The following ARL6IP4 variants were observed in gnomAD, a reference collection of about 807,000 sequenced individuals.
ARL6IP4 encodes the protein ADP-ribosylation factor-like protein 6-interacting protein 4.
A neutral mutation model predicts 28.1 loss-of-function variants in ARL6IP4; 24 were observed. The ratio of observed to expected loss-of-function variants is 0.86; its 90% CI spans 0.62 to 1.20. The LOEUF is 1.20. Among genes scored for constraint, ARL6IP4 ranks in the 50% most tolerant of loss-of-function variants. The pLI, the probability that ARL6IP4 is intolerant of heterozygous loss-of-function variation, is 0.00. For missense variants in ARL6IP4, 343 were observed against 302.4 expected (o/e 1.13, Z -1.00); for synonymous variants, 162 against 122.3 (o/e 1.32, Z -2.14).
chr12:122,980,412 G>T, upstream of ARL6IP4: 1 of 1,368,152 alleles, frequency 7.3e-7, no homozygotes, highest in Non-Finnish European at 9.4e-7. Context: ...ACCAGCCGGG[G>T]AGGAGGGCGG....
At chr12:122,982,238 G>C in intron 4 of ARL6IP4, 164 bp downstream of exon 4, 1 of 872,794 alleles carries the variant, frequency 1.1e-6, no homozygotes, top group Non-Finnish European at 1.8e-6. Context: ...GGGGCTGGAA[G>C]GGCCTGGAGG....
At chr12:122,981,024 G>A in intron 1 of ARL6IP4, 105 bp from the exon 2 acceptor site, 5 of 1,414,742 alleles carry the variant, frequency 3.5e-6, no homozygotes, top group Admixed American at 3.1e-5. Flanking sequence ...GGACGGTGAC[G>A]GGTACTGGGC....
At position 122,982,377 on chromosome 12, in the gene ARL6IP4, T is replaced by C; in HGVS notation, c.588-92T>C. ...ACTCAAGGCTGCGGGGTGGGAGCCC[T>C]GGGACCCCTCTGCCGGCTGCTTGTG... is the stretch of plus-strand genomic sequence containing the variant. On this transcript the variant is annotated intron_variant, in intron 4 of 5. Coordinates refer to ENST00000315580, the MANE Select transcript of ARL6IP4 (RefSeq NM_018694.4). 16 of 1,294,078 alleles carry C rather than the reference T, an allele frequency of 1.2e-5. No individual in the cohort carries two copies. The South Asian group carries it at 1.7e-4, about 14-fold the overall frequency. The allele number at this position is 1,294,078 out of a possible 1,614,324, so 80.2% of individuals were successfully genotyped here. A position where few individuals can be genotyped will look rare whatever the true frequency, so the allele number is the denominator to read the frequency against.
Position 122,982,805 on chromosome 12 carries a change from G to A in ARL6IP4, c.*129G>A. 3.0e-6 allele frequency: 3 copies of A among 1,006,156 alleles called. No homozygotes were observed. Among genetic ancestry groups the A allele is most frequent in the Non-Finnish European group, 4.4e-6 (3 of 675,720 alleles). 62.3% of individuals were successfully genotyped at this position (1,006,156 alleles called of 1,614,324 possible). ...GTGGATTGGTCTCTGGCCCAGCCCA[G>A]TCTCTTCTCAGGGGCAGGGGGTGGA... On this transcript the variant is annotated 3_prime_UTR_variant, in exon 6 of 6. Transcript: ENST00000315580.
At chr12:122,980,556 G>A, upstream of ARL6IP4, 1 of 1,355,316 alleles carries the variant, frequency 7.4e-7, no homozygotes, top group Non-Finnish European at 9.5e-7. Flanking sequence ...TCGAGGGCCG[G>A]CGCCCCTGCT....
Position 122,981,317 on chromosome 12 carries a change from C to T in ARL6IP4, c.160+18C>T, listed in dbSNP as rs1352738416. 2.0e-6 allele frequency: 3 copies of T among 1,533,366 alleles called. No homozygotes were observed. The highest frequency in any genetic ancestry group is 1.2e-5 in the South Asian group (1 of 82,934). 95.0% of individuals were successfully genotyped at this position (1,533,366 alleles called of 1,614,324 possible). A position where few individuals can be genotyped will look rare whatever the true frequency, so the allele number is the denominator to read the frequency against. On this transcript the variant is annotated intron_variant, in intron 2 of 5. Transcript: ENST00000315580. ...GGCGGAGGGTGAGGACCACAGGCAT[C>T]GGGGAGAGGAGGCGCAGTTACTACC...
Position 122,982,520 on chromosome 12 carries a change from A to G in ARL6IP4, c.639A>G (p.Arg213=), listed in dbSNP as rs545804119. The part of the protein sequence containing the change: ...EVLEEIVTKE[R]HREINKQATR... ...TAGAGGAAATCGTAACCAAAGAACG[A>G]CACAGAGAGATCAACAAGGTGGGTG... is the stretch of plus-strand genomic sequence containing the variant. Residue 213 remains arginine, a synonymous_variant, in exon 5 of 6, where the codon CGA becomes CGG. Transcript: ENST00000315580. The G allele has an allele frequency of 1.4e-5, 23 of 1,614,074 alleles. No individual in the cohort carries two copies. In the South Asian group the frequency reaches 1.8e-4, roughly 12 times the overall value.
intron 4 of ARL6IP4, 160 bp downstream of exon 4, chr12:122,982,234 G>A: frequency 1.1e-6 from 1 of 888,652 alleles, no homozygotes; most frequent in Non-Finnish European, 1.8e-6. Flanking sequence ...TGCAGGGGCT[G>A]GAAGGGCCTG....
In ARL6IP4 at chr12:122,981,663, A is replaced by C. The variant is rs2037667314; in HGVS notation, c.253A>C (p.Ser85Arg). 2 of 1,555,714 alleles carry C rather than the reference A, an allele frequency of 1.3e-6. No individual in the cohort carries two copies. The highest frequency in any genetic ancestry group is 1.7e-6 in the Non-Finnish European group (2 of 1,149,894). The change falls in exon 3 of 6, where the codon AGC becomes CGC. Residue 85 changes from serine (S) to arginine (R), a missense_variant. Physicochemically the swap from Ser to Arg is moderately radical, Grantham distance 110. Coordinates refer to ENST00000315580, the MANE Select transcript of ARL6IP4 (RefSeq NM_018694.4). ...CTCCTCCTCTTCTTCCAGTTCTTCT[A>C]GCTCCTCTTCTTCCTCCTCGTCCTC... is the stretch of plus-strand genomic sequence containing the variant. ...SSSSSSSSSS[S>R]SSSSSSSSSS...
chr12:122,982,408 G>T (rs2037724505), intron 4 of ARL6IP4, 61 bp from the exon 5 acceptor site: 1 of 1,493,914 alleles, frequency 6.7e-7, no homozygotes, highest in Admixed American at 1.9e-5. Context: ...TTGTGGTTCT[G>T]CTCCTCTGGC....
At chr12:122,981,913 G>A (rs940114365) in intron 3 of ARL6IP4, 34 bp downstream of exon 3, 2 of 1,613,542 alleles carry the variant, frequency 1.2e-6, no homozygotes, top group Non-Finnish European at 1.7e-6. Flanking sequence ...GAGGGAGAAG[G>A]TCGCTTCCCA....
In ARL6IP4 at chr12:122,982,059, A is replaced by C. The variant is rs143466240; in HGVS notation, c.572A>C (p.Glu191Ala). The C allele has an allele frequency of 5.6e-6, 9 of 1,613,388 alleles. No homozygotes were observed. The highest frequency in any genetic ancestry group is 7.6e-6 in the Non-Finnish European group (9 of 1,180,026). ...ATCATCCGCAAGGTGGTGGACCCTGAGACGGGGCGCACCAGGTGGGGAGCT... is the reference window on the plus strand; with the variant it reads ...ATCATCCGCAAGGTGGTGGACCCTGCGACGGGGCGCACCAGGTGGGGAGCT... ...QSIIRKVVDP[E>A]TGRTRLIKGD... Residue 191 changes from glutamate (E) to alanine (A), a missense_variant, in exon 4 of 6, where the codon GAG becomes GCG. By Grantham distance (107) the Glu-to-Ala change is moderately radical. Transcript: ENST00000315580.
Position 122,981,192 on chromosome 12 carries a change from G to A in ARL6IP4, c.53G>A (p.Gly18Glu). 1 of 1,549,894 alleles carries A rather than the reference G, an allele frequency of 6.5e-7. No individual in the cohort carries two copies. Among genetic ancestry groups the A allele is most frequent in the Non-Finnish European group, 8.7e-7 (1 of 1,146,740 alleles). Residue 18 changes from glycine to glutamate, a missense_variant, in exon 2 of 6, where the codon GGA becomes GAA. Transcript: ENST00000315580. ...TCGAGGAGTCGCAGCCGGTCCCGGG[G>A]ACGGGGGTCGGAAAAGAGAAAGAAG... ...KRSRSRSRSR[G>E]RGSEKRKKKS...
upstream of ARL6IP4, chr12:122,980,364 C>T (rs2037586774): frequency 1.5e-6 from 2 of 1,317,780 alleles, no homozygotes; most frequent in Non-Finnish European, 1.9e-6. Context: ...GACCAGGGCG[C>T]CTCAGTCTGG....
rs550597041 is a variant in ARL6IP4 at position 122,981,114 on chromosome 12, C to T, written c.-11-15C>T. On this transcript the variant is annotated splice_polypyrimidine_tract_variant and intron_variant, in intron 1 of 5. Transcript: ENST00000315580. The stretch of plus-strand genomic sequence containing the variant: ...CTTGGGGGCTTCGGCTCAAGCGCGT[C>T]TTCTTCGTCGCCAGCCCGCGGCGCC... 17 of 1,546,556 alleles carry T rather than the reference C, an allele frequency of 1.1e-5. No individual in the cohort carries two copies. The African/African-American group carries it at 2.3e-4, about 21-fold the overall frequency.
In ARL6IP4 at chr12:122,980,688, C is replaced by T; in HGVS notation, c.-69C>T. 2.2e-6 allele frequency: 3 copies of T among 1,342,400 alleles called. No homozygotes were observed. The highest frequency in any genetic ancestry group is 2.8e-6 in the Non-Finnish European group (3 of 1,052,760). The allele number at this position is 1,342,400 out of a possible 1,614,324, so 83.2% of individuals were successfully genotyped here. ...AGCGCCCCGGCCGGAAGCCTCCTCG[C>T]CGCCGCTTCCTCTCGAGAAGGCGCG... On this transcript the variant is annotated 5_prime_UTR_variant, in exon 1 of 6. Transcript: ENST00000315580.
At chr12:122,981,062 C>T (rs1594105150) in intron 1 of ARL6IP4, 67 bp from the exon 2 acceptor site, 2 of 1,475,830 alleles carry the variant, frequency 1.4e-6, no homozygotes, top group Admixed American at 5.3e-5. Flanking sequence ...CCGCTAGAGC[C>T]ACCCTTGGAG....
Position 122,982,072 on chromosome 12 carries a change from C to T in ARL6IP4, c.585C>T (p.Thr195=). ...TGGTGGACCCTGAGACGGGGCGCAC[C>T]AGGTGGGGAGCTTTCGGCCTGACTT... ...RKVVDPETGR[T]RLIKGDGEVL... Residue 195 remains threonine, a splice_region_variant and synonymous_variant, in exon 4 of 6, where the codon ACC becomes ACT. Coordinates refer to ENST00000315580, the MANE Select transcript of ARL6IP4 (RefSeq NM_018694.4). 1 of 1,613,328 alleles carries T rather than the reference C, an allele frequency of 6.2e-7. No homozygotes were observed. The highest frequency in any genetic ancestry group is 8.5e-7 in the Non-Finnish European group (1 of 1,179,944).
In ARL6IP4 at chr12:122,981,279, G is replaced by C. The variant is rs1473182726; in HGVS notation, c.140G>C (p.Ser47Thr). 8 of 1,549,104 alleles carry C rather than the reference G, an allele frequency of 5.2e-6. No homozygotes were observed. Among genetic ancestry groups the C allele is most frequent in the Non-Finnish European group, 7.0e-6 (8 of 1,146,062 alleles). Residue 47 changes from serine (S) to threonine (T), a missense_variant, in exon 2 of 6, where the codon AGC (serine) becomes ACC (threonine). By Grantham distance (58) the Ser-to-Thr change is moderately conservative. Coordinates refer to ENST00000315580, the MANE Select transcript of ARL6IP4 (RefSeq NM_018694.4). The stretch of plus-strand genomic sequence containing the variant: ...TCCACATCCCAAGGTCGCAAGGCCA[G>C]CACGGCCCCTGGGGCGGAGGGTGAG... ...SASTSQGRKA[S>T]TAPGAEASPS...
Sources: gnomAD v4.1 joint callset for allele counts on GRCh38, gnomAD v4.1.1 for gene constraint, MANE v1.5 for transcripts, NCBI Gene and HGNC (gene_info 2026-07-23, HGNC 2026-07-21) for gene names.